The following GYG2 variants were observed in gnomAD, a reference collection of about 807,000 sequenced individuals.
GYG2 encodes glycogenin-2.
A neutral mutation model predicts 29.4 loss-of-function variants in GYG2; 29 were observed. The observed-to-expected ratio is 0.99, with a 90% CI of 0.74 to 1.35. The LOEUF (loss-of-function observed/expected upper bound fraction) is 1.35. Ranked by LOEUF, GYG2 falls within the 40% of genes most tolerant of loss-of-function variation. The pLI, the probability that GYG2 is intolerant of heterozygous loss-of-function variation, is 0.00. For synonymous variants in GYG2, 167 were observed against 172.3 expected, an observed-to-expected ratio of 0.97 and a Z score of 0.24; for missense variants, 370 against 385.7, an observed-to-expected ratio of 0.96 and a Z score of 0.34.
chrX:2,869,522 T>TA (rs1045696073), intron 8 of GYG2, among the ~76,000 whole-genome samples: 1 of 112,452 alleles, frequency 8.9e-6, no homozygotes, highest in Admixed American at 9.4e-5. Context: ...CACAGATTTT[T>TA]AAAAAAAGTT....
chrX:2,871,912 A>G (rs1034252209), intron 8 of GYG2, among the ~76,000 whole-genome samples: 2 of 111,619 alleles, frequency 1.8e-5, no homozygotes, highest in Non-Finnish European at 3.8e-5. Flanking sequence ...AACTTTCACA[A>G]ATTTATAGCC....
Position 2,875,799 on chromosome X carries a change from CT to C in GYG2, c.1039-8del. ...TTGACTTAACTTGCCTTTGCTCTTT[CT>C]TTATAACAGATGATAGCTTGTCCTG... On this transcript the variant is annotated splice_polypyrimidine_tract_variant and intron_variant, in intron 8 of 10. Coordinates refer to ENST00000398806, the MANE Select transcript of GYG2 (RefSeq NM_001079855.2). 1 of 1,125,079 alleles carries C rather than the reference CT, an allele frequency of 8.9e-7. No homozygotes were observed. The highest frequency in any genetic ancestry group is 1.2e-6 in the Non-Finnish European group (1 of 817,827). The allele number at this position is 1,125,079 out of a possible 1,213,427, so 92.7% of individuals were successfully genotyped here. A position where few individuals can be genotyped will look rare whatever the true frequency, so the allele number is the denominator to read the frequency against.
At chrX:2,864,606 C>G (rs1170789573) in intron 8 of GYG2, among the ~76,000 whole-genome samples, 1 of 111,014 alleles carries the variant, frequency 9.0e-6, no homozygotes, top group Non-Finnish European at 1.9e-5. Context: ...TTCAAACCAT[C>G]TTTCTGATTT....
chrX:2,859,781 C>T (rs1347285267), intron 6 of GYG2, 62 bp from the exon 7 acceptor site: 9 of 750,756 alleles, frequency 1.2e-5, no homozygotes, highest in Non-Finnish European at 1.8e-5. Flanking sequence ...TAGGTGGATG[C>T]TTTCTGGGTG....
intron 10 of GYG2, among the ~76,000 whole-genome samples, chrX:2,879,831 T>A (rs2088680441): frequency 9.1e-6 from 1 of 110,494 alleles, no homozygotes; most frequent in Admixed American, 9.6e-5. Flanking sequence ...TAGGTAGAGA[T>A]CATAGATAGA....
chrX:2,853,795 G>A (rs1419876194), intron 3 of GYG2, 185 bp from the exon 4 acceptor site: 3 of 409,156 alleles, frequency 7.3e-6, no homozygotes, highest in Non-Finnish European at 1.3e-5. Flanking sequence ...ACAAGTGGAC[G>A]GTGTGCACAG....
chrX:2,848,423 AGCTACTCGGGAG>A (rs1430620861), intron 3 of GYG2, among the ~76,000 whole-genome samples: 2 of 110,227 alleles, frequency 1.8e-5, no homozygotes, highest in Non-Finnish European at 3.8e-5. Context: ...CTGTAATTCC[AGCTACTCGGGAG>A]GCTGAGGCAG....
chrX:2,830,113 G>C lies in GYG2; in HGVS notation c.-76G>C, dbSNP rs766676100. 3 of 1,073,076 alleles carry C rather than the reference G, an allele frequency of 2.8e-6. No individual in the cohort carries two copies. Among genetic ancestry groups the C allele is most frequent in the East Asian group, 3.0e-5 (1 of 32,989 alleles). 88.4% of individuals were successfully genotyped at this position (1,073,076 alleles called of 1,213,427 possible). ...GACGGCGCCTCTGCTCTGCGGGTTC[G>C]TGGCGAGGAAGTCCACCCACTGCTC... On this transcript the variant is annotated 5_prime_UTR_variant, in exon 2 of 11. Transcript: ENST00000398806.
chrX:2,875,957 T>C lies in GYG2; in HGVS notation c.1143+43T>C, dbSNP rs375391727. 6.1e-5 allele frequency: 46 copies of C among 749,433 alleles called. No individual in the cohort carries two copies. In the African/African-American group the frequency reaches 7.2e-4, roughly 12 times the overall value. The allele number at this position is 749,433 out of a possible 1,213,427, so 61.8% of individuals were successfully genotyped here. On this transcript the variant is annotated intron_variant, in intron 9 of 10. Transcript: ENST00000398806. ...GACCTACACATGGCCAGCTCTCTTA[T>C]TGCTTGTTATTTTCTCACAGGGTCT...
At chrX:2,842,314 C>T (rs1254163595) in intron 2 of GYG2, among the ~76,000 whole-genome samples, 1 of 109,859 alleles carries the variant, frequency 9.1e-6, no homozygotes, top group Non-Finnish European at 1.9e-5. Flanking sequence ...CCTGCCTCAG[C>T]CTCTCAAGTA....
chrX:2,843,385 C>T (rs1417329701), intron 3 of GYG2, 31 bp downstream of exon 3: 2 of 1,144,041 alleles, frequency 1.7e-6, no homozygotes, highest in Non-Finnish European at 2.4e-6. Flanking sequence ...TTGTGCCCAG[C>T]TGGGTCCTAT....
chrX:2,838,864 CT>C (rs1208218695), intron 2 of GYG2, among the ~76,000 whole-genome samples: 1 of 111,980 alleles, frequency 8.9e-6, no homozygotes, highest in Non-Finnish European at 1.9e-5. Flanking sequence ...CCCTCTCCCC[CT>C]GATCTTTTGA....
intron 8 of GYG2, among the ~76,000 whole-genome samples, chrX:2,868,681 G>T (rs1007857084): frequency 9.1e-6 from 1 of 109,647 alleles, no homozygotes; most frequent in African/African-American, 3.3e-5. Context: ...GGATTGGGGG[G>T]CGAGGGGAGG....
At chrX:2,830,006 A>T in intron 1 of GYG2, 55 bp from the exon 2 acceptor site, 1 of 453,101 alleles carries the variant, frequency 2.2e-6, no homozygotes, top group African/African-American at 2.4e-5. Flanking sequence ...GCCGGGGGTG[A>T]CACTGGCGGG....
chrX:2,873,811 G>T (rs781320504), intron 8 of GYG2, among the ~76,000 whole-genome samples: 21 of 111,352 alleles, frequency 1.9e-4, no homozygotes, highest in Non-Finnish European at 3.8e-4. Flanking sequence ...ACTTTCGGAG[G>T]CTGGGCATGG....
chrX:2,871,638 C>T (rs1024974496), intron 8 of GYG2, among the ~76,000 whole-genome samples: 16 of 110,640 alleles, frequency 1.4e-4, no homozygotes, highest in Middle Eastern at 9.4e-3. Context: ...TGCAGTGAGC[C>T]GAGATGGTGC....
At chrX:2,856,458 A>G in intron 5 of GYG2, 40 bp from the exon 6 acceptor site, 1 of 1,197,485 alleles carries the variant, frequency 8.4e-7, no homozygotes, top group East Asian at 3.0e-5. Flanking sequence ...GAACCAAGCC[A>G]TACTTTGCTA....
intron 3 of GYG2, among the ~76,000 whole-genome samples, chrX:2,847,249 C>G: frequency 9.0e-6 from 1 of 110,776 alleles, no homozygotes; most frequent in Non-Finnish European, 1.9e-5. Flanking sequence ...CAACTCTAGC[C>G]CTGTAGTAAA....
At chrX:2,843,154 C>T (rs1246013411) in intron 2 of GYG2, 59 bp from the exon 3 acceptor site, 1 of 1,004,398 alleles carries the variant, frequency 1.0e-6, no homozygotes, top group Non-Finnish European at 1.4e-6. Context: ...TGACTATGGC[C>T]CCGTCACCCC....
Sources: gnomAD v4.1 joint callset for allele counts (sites outside exome capture counted in the v4.1 genomes callset) on GRCh38, gnomAD v4.1.1 for gene constraint, MANE v1.5 for transcripts, NCBI Gene and HGNC (gene_info 2026-07-23, HGNC 2026-07-21) for gene names.